The following GRM1 variants were observed in gnomAD, a reference collection of about 807,000 sequenced individuals.
The protein encoded by GRM1 is glutamate metabotropic receptor 1.
Under a neutral mutation model 90.9 loss-of-function variants are expected in GRM1, and 33 were observed. The ratio of observed to expected loss-of-function variants is 0.36; its 90% CI spans 0.28 to 0.49. GRM1 has a LOEUF of 0.49. Among genes scored for constraint, GRM1 ranks in the 20% least tolerant of loss-of-function variants. GRM1 has a pLI of 0.99. For missense variants in GRM1, 1,190 were observed against 1,534.3 expected (o/e 0.78, Z 3.75); for synonymous variants, 700 against 613.2 (o/e 1.14, Z -2.09).
intron 2 of GRM1, among the ~76,000 whole-genome samples, chr6:146,223,493 GT>G (rs1780139437): frequency 6.6e-6 from 1 of 151,972 alleles, no homozygotes; most frequent in South Asian, 2.1e-4. Flanking sequence ...CTCTAACTTG[GT>G]TTCACTGACC....
chr6:146,349,839 T>C (rs765522829), intron 3 of GRM1, among the ~76,000 whole-genome samples: 3 of 152,344 alleles, frequency 2.0e-5, no homozygotes, highest in Non-Finnish European at 2.9e-5. Flanking sequence ...TGTTTGTATA[T>C]ACATATGTAT....
chr6:146,411,571 C>T (rs796271563), intron 7 of GRM1, among the ~76,000 whole-genome samples: 5 of 152,196 alleles, frequency 3.3e-5, no homozygotes, highest in African/African-American at 1.2e-4. Context: ...TATCACTGTA[C>T]CCCCAGTATG....
chr6:146,065,374 G>A (rs970752769), intron 1 of GRM1, among the ~76,000 whole-genome samples: 2 of 152,150 alleles, frequency 1.3e-5, no homozygotes, highest in African/African-American at 4.8e-5. Flanking sequence ...CTGAACGCAG[G>A]TGGCCTTTGG....
intron 2 of GRM1, among the ~76,000 whole-genome samples, chr6:146,196,832 A>G (rs1425835955): frequency 6.6e-6 from 1 of 152,194 alleles, no homozygotes; most frequent in Non-Finnish European, 1.5e-5. Context: ...TGAAGGCAGA[A>G]ATATGATAGT....
intron 2 of GRM1, among the ~76,000 whole-genome samples, chr6:146,246,343 G>A (rs2114748933): frequency 6.6e-6 from 1 of 152,160 alleles, no homozygotes; most frequent in East Asian, 1.9e-4. Flanking sequence ...AAGATTCCTA[G>A]ATCAGGCTGC....
chr6:146,215,820 G>T (rs1463525480), intron 2 of GRM1, among the ~76,000 whole-genome samples: 1 of 150,092 alleles, frequency 6.7e-6, no homozygotes, highest in Admixed American at 6.7e-5. Context: ...GCAGTGGCTC[G>T]ATCTCAGCTC....
chr6:146,159,641 T>TCA lies in GRM1; in HGVS notation c.950+55_950+56dup, dbSNP rs1554274799. 1,506 of 727,706 alleles carry TCA rather than the reference T, an allele frequency of 2.1e-3. 24 individuals are homozygous for TCA. The highest frequency in any genetic ancestry group is 5.3e-3 in the South Asian group (264 of 49,954). The allele number at this position is 727,706 out of a possible 1,614,324, so 45.1% of individuals were successfully genotyped here. On this transcript the variant is annotated intron_variant, in intron 2 of 7. Transcript: ENST00000282753. ...CTCTCTCTCTCTCTCTCTCTCTCTC[T>TCA]CACACACACACATGCACACACACAC...
intron 1 of GRM1, among the ~76,000 whole-genome samples, chr6:146,074,412 C>G (rs577384409): frequency 6.6e-6 from 1 of 152,206 alleles, no homozygotes; most frequent in South Asian, 2.1e-4. Context: ...CAGGCATCCC[C>G]CATGCCTGAG....
intron 2 of GRM1, among the ~76,000 whole-genome samples, chr6:146,232,364 C>T (rs1237000394): frequency 6.6e-6 from 1 of 151,812 alleles, no homozygotes; most frequent in Non-Finnish European, 1.5e-5. Flanking sequence ...TCATAATCTC[C>T]CCTTGTTTTT....
chr6:146,127,324 T>C (rs1311474326), intron 1 of GRM1, among the ~76,000 whole-genome samples: 1 of 152,130 alleles, frequency 6.6e-6, no homozygotes, highest in Non-Finnish European at 1.5e-5. Flanking sequence ...GACATATTAA[T>C]AGAGAATGAT....
intron 7 of GRM1, among the ~76,000 whole-genome samples, chr6:146,418,807 C>T (rs1777880200): frequency 6.6e-6 from 1 of 152,074 alleles, no homozygotes; most frequent in African/African-American, 2.4e-5. Context: ...TTTGTACCTA[C>T]CCAGGCAGTC....
intron 2 of GRM1, among the ~76,000 whole-genome samples, chr6:146,302,759 T>C (rs529103384): frequency 5.4e-4 from 82 of 152,044 alleles, no homozygotes; most frequent in African/African-American, 2.0e-3. Flanking sequence ...GGGCAGAGGA[T>C]AGTGAGTCTT....
intron 2 of GRM1, among the ~76,000 whole-genome samples, chr6:146,246,999 A>G (rs1781082117): frequency 6.6e-6 from 1 of 152,214 alleles, no homozygotes; most frequent in South Asian, 2.1e-4. Flanking sequence ...GGAAGGCCAC[A>G]TTCAGGAATC....
intron 7 of GRM1, among the ~76,000 whole-genome samples, chr6:146,404,873 T>C (rs1282937077): frequency 6.6e-6 from 1 of 152,160 alleles, no homozygotes; most frequent in Non-Finnish European, 1.5e-5. Flanking sequence ...GAAAGACCAG[T>C]TAATAGAGTG....
At chr6:146,094,316 C>T (rs1417358164) in intron 1 of GRM1, among the ~76,000 whole-genome samples, 1 of 151,946 alleles carries the variant, frequency 6.6e-6, no homozygotes, top group Non-Finnish European at 1.5e-5. Context: ...GGAGCCTGTC[C>T]CTCTAGGTTA....
chr6:146,030,276 C>A, intron 1 of GRM1, 59 bp downstream of exon 1: 1 of 1,125,760 alleles, frequency 8.9e-7, no homozygotes. Context: ...GCATGATGTG[C>A]TCCTGGGATC....
At position 146,153,858 on chromosome 6, in the gene GRM1, T is replaced by C. The variant is rs145343385; in HGVS notation, c.701-5490T>C. Reference sequence around the variant, plus strand: ...ATAAATAAAGAAATTGGGACAAACATTTCATGAAACCAGTTAACTCATCCA... The same window carrying C: ...ATAAATAAAGAAATTGGGACAAACACTTCATGAAACCAGTTAACTCATCCA... On this transcript the variant is annotated intron_variant, in intron 1 of 7. Coordinates refer to ENST00000282753, the MANE Select transcript of GRM1 (RefSeq NM_001278064.2). Among the ~76,000 whole-genome samples, 460 of 152,324 alleles carry C rather than the reference T, an allele frequency of 3.0e-3. 3 individuals are homozygous for C. The highest frequency in any genetic ancestry group is 0.011 in the African/African-American group (443 of 41,582).
intron 7 of GRM1, among the ~76,000 whole-genome samples, chr6:146,425,981 G>T (rs991704452): frequency 9.2e-5 from 14 of 152,186 alleles, no homozygotes. Flanking sequence ...GGAATGAGAT[G>T]ATATTCTTCC....
intron 2 of GRM1, among the ~76,000 whole-genome samples, chr6:146,212,513 A>G (rs1027686113): frequency 3.9e-5 from 6 of 152,220 alleles, no homozygotes; most frequent in South Asian, 2.1e-4. Context: ...CTCCAGGCCT[A>G]TAAATATCAG....
Sources: gnomAD v4.1 joint callset for allele counts (sites outside exome capture counted in the v4.1 genomes callset) on GRCh38, gnomAD v4.1.1 for gene constraint, MANE v1.5 for transcripts, NCBI Gene and HGNC (gene_info 2026-07-23, HGNC 2026-07-21) for gene names.